Variants in NXF3 observed in about 807,000 individuals in gnomAD.
NXF3 encodes the protein nuclear RNA export factor 3, also known as TAP-like protein 3.
In NXF3, 34 loss-of-function variants were observed where a neutral mutation model predicts 48.4. That is an observed-to-expected ratio of 0.70 (90% CI 0.53 to 0.93). NXF3 has a LOEUF of 0.93. Ranked by LOEUF, NXF3 falls within the 40% of genes least tolerant of loss-of-function variation. The pLI is 0.00. For missense variants in NXF3, 359 were observed against 406.1 expected (o/e 0.88, Z 1.00); for synonymous variants, 132 against 145.7 (o/e 0.91, Z 0.68).
At chrX:103,077,287 G>A (rs1479106442) in intron 18 of NXF3, among the ~76,000 whole-genome samples, 2 of 78,916 alleles carry the variant, frequency 2.5e-5, no homozygotes, top group Non-Finnish European at 4.5e-5. Flanking sequence ...GTCTTGCTCT[G>A]TTGCCCAGGC....
intron 1 of NXF3, chrX:103,087,559 C>A: frequency 2.1e-6 from 2 of 963,431 alleles, no homozygotes; most frequent in South Asian, 3.9e-5. Context: ...GGAGGCCAAA[C>A]AAGAAAAGTC....
Position 103,080,129 on chromosome X carries a change from C to T in NXF3, c.996+19G>A. 8.3e-7 allele frequency: 1 copy of T among 1,210,165 alleles called. No homozygotes were observed. Among genetic ancestry groups the T allele is most frequent in the Non-Finnish European group, 1.1e-6 (1 of 894,263 alleles). ...CCCCCCTTCCTCATGCACCACCCTG[C>T]TGGATCCTCTCTTCTCACCTTACAG... On this transcript the variant is annotated intron_variant, in intron 11 of 19. Transcript: ENST00000395065.
Position 103,093,106 on chromosome X carries a change from G to A in NXF3, c.-83C>T. 1.1e-6 allele frequency: 1 copy of A among 906,384 alleles called. No homozygotes were observed. Among genetic ancestry groups the A allele is most frequent in the Non-Finnish European group, 1.6e-6 (1 of 624,623 alleles). The allele number at this position is 906,384 out of a possible 1,213,427, so 74.7% of individuals were successfully genotyped here. On this transcript the variant is annotated 5_prime_UTR_variant, in exon 1 of 20. Coordinates refer to ENST00000395065, the MANE Select transcript of NXF3 (RefSeq NM_022052.2). ...AGTTTGGAGAAGATTGAGGAGGGCT[G>A]CTGACGAAGGCGAGAGCAAGCCTCA...
At chrX:103,091,469 CTAGAGA>C (rs1922271533) in intron 1 of NXF3, among the ~76,000 whole-genome samples, 1 of 109,959 alleles carries the variant, frequency 9.1e-6, no homozygotes, top group African/African-American at 3.3e-5. Context: ...AGGTATTAGT[CTAGAGA>C]TAAAGTATGC....
In NXF3 at chrX:103,077,693, G is replaced by C. The variant is rs1921906672; in HGVS notation, c.1505C>G (p.Thr502Ser). The change falls in exon 18 of 20, where the codon ACC becomes AGC. Residue 502 changes from threonine (T) to serine (S), a missense_variant. Physicochemically the swap from Thr to Ser is moderately conservative, Grantham distance 58 (BLOSUM62 1). Transcript: ENST00000395065. ...CACTAGGGTGAACAAGGCACTCTGG[G>C]TCCCTTGGTGGCTGGTATCCCGCAC... The part of the protein sequence containing the change: ...LFVRDTSHQG[T>S]QSALFTLVPT... 8.3e-7 allele frequency: 1 copy of C among 1,209,056 alleles called. No individual in the cohort carries two copies. Among genetic ancestry groups the C allele is most frequent in the African/African-American group, 1.8e-5 (1 of 57,006 alleles).
chrX:103,082,918 C>T, intron 7 of NXF3, 70 bp from the exon 8 acceptor site: 1 of 1,136,901 alleles, frequency 8.8e-7, no homozygotes, highest in South Asian at 1.8e-5. Context: ...CAGCACTAAC[C>T]CCTCCCCAAG....
intron 9 of NXF3, chrX:103,081,809 C>A (rs888004180): frequency 8.1e-6 from 1 of 123,117 alleles, no homozygotes; most frequent in Admixed American, 8.3e-5. Flanking sequence ...GGAGAGGGGA[C>A]CTTTTTGGAG....
rs771812051 is a variant in NXF3 at position 103,079,639 on chromosome X, G to C, written c.1164C>G (p.Ser388Arg). ...TATCCTTGAAGAACTTGCAGAAGCT[G>C]CTCCTAGAAGAAAAAGAGGAGCAGG... ...IPFNPEDSAP[S>R]SFCKFFKDSR... The change falls in exon 14 of 20, where the codon AGC (serine) becomes AGG (arginine). Residue 388 changes from serine (S) to arginine (R), a missense_variant. Ser to Arg is a moderately radical substitution (Grantham distance 110). Coordinates refer to ENST00000395065, the MANE Select transcript of NXF3 (RefSeq NM_022052.2). The C allele has an allele frequency of 1.7e-6, 2 of 1,210,273 alleles. No individual in the cohort carries two copies. Among genetic ancestry groups the C allele is most frequent in the Non-Finnish European group, 2.2e-6 (2 of 894,188 alleles).
At chrX:103,081,553 G>A (rs953214841) in intron 9 of NXF3, 1 of 112,966 alleles carries the variant, frequency 8.9e-6, no homozygotes, top group Non-Finnish European at 1.9e-5. Context: ...TGGAGAAGGA[G>A]GGAAGGAGGG....
Position 103,082,958 on chromosome X carries a change from G to T in NXF3, c.691+46C>A, listed in dbSNP as rs777087642. 8.6e-6 allele frequency: 10 copies of T among 1,162,393 alleles called. No homozygotes were observed. The African/African-American group carries it at 1.4e-4, about 17-fold the overall frequency. The stretch of plus-strand genomic sequence containing the variant: ...CAACCGTAAGTCTCCATCTCACACA[G>T]ACACCTCTGCCCTCATCTACCATAG... On this transcript the variant is annotated intron_variant, in intron 7 of 19. Transcript: ENST00000395065.
rs1317758947 is a variant in NXF3 at position 103,085,921 on chromosome X, AAAG to A, written c.29-1041_29-1039del. 6.7e-3 allele frequency among the ~76,000 whole-genome samples: 683 copies of A among 101,454 alleles called. 14 individuals are homozygous for A. The highest frequency in any genetic ancestry group is 0.025 in the African/African-American group (648 of 26,411). The allele number at this position is 101,454 out of a possible 115,157, so 88.1% of individuals were successfully genotyped here. On this transcript the variant is annotated intron_variant, in intron 1 of 19. Transcript: ENST00000395065. ...CTGTCAAAAAAAAAAAAAAAAAAAA[AAAG>A]AAAGAAAGAAAGAAAGATTTGGTAA...
At chrX:103,081,163 G>T (rs1054468811) in intron 9 of NXF3, 1 of 113,109 alleles carries the variant, frequency 8.8e-6, no homozygotes, top group African/African-American at 3.2e-5. Context: ...AGAAGAAAAG[G>T]GCTCCCCTGC....
chrX:103,078,092 T>A (rs1380402940), intron 17 of NXF3, among the ~76,000 whole-genome samples: 1 of 111,568 alleles, frequency 9.0e-6, no homozygotes, highest in Non-Finnish European at 1.9e-5. Flanking sequence ...TCACAGTGAG[T>A]ATTGCATCAG....
intron 1 of NXF3, among the ~76,000 whole-genome samples, chrX:103,085,900 C>CAAAAAAAAAAA (rs56135590): frequency 1.6e-4 from 7 of 43,524 alleles, no homozygotes; most frequent in Non-Finnish European, 2.4e-4. Flanking sequence ...GAGACTCTGT[C>CAAAAAAAAAAA]AAAAAAAAAA....
At chrX:103,077,791 TC>T (rs1921909710) in intron 17 of NXF3, 45 bp from the exon 18 acceptor site, 2 of 1,188,481 alleles carry the variant, frequency 1.7e-6, no homozygotes, top group Admixed American at 2.2e-5. Context: ...GAAGGACACC[TC>T]CCCACCCGCT....
At position 103,077,607 on chromosome X, in the gene NXF3, C is replaced by A. The variant is rs1041603826; in HGVS notation, c.1584+7G>T. ...CATCCCCCAGACTGGGCAGAGAAAA[C>A]CTGTACCATTTTCTGCTGCTCCTGG... On this transcript the variant is annotated splice_region_variant and intron_variant, in intron 18 of 19. Transcript: ENST00000395065. 1 of 1,208,364 alleles carries A rather than the reference C, an allele frequency of 8.3e-7. No individual in the cohort carries two copies. The highest frequency in any genetic ancestry group is 1.8e-5 in the African/African-American group (1 of 56,991).
rs993778263 is a variant in NXF3, at chrX:103,082,783, C to T, written c.757G>A (p.Val253Ile). The change falls in exon 8 of 20, where the codon GTC becomes ATC. Residue 253 changes from valine (V) to isoleucine (I), a missense_variant. Coordinates refer to ENST00000395065, the MANE Select transcript of NXF3 (RefSeq NM_022052.2). ...ACTGTAGGTATGTTCTCTTCATGGA[C>T]GTCCAGGGAGGCAGCCATGCACTTT... Reference protein sequence around the residue: ...PRKCMAASLDVHEENIPTVMS... With the variant: ...PRKCMAASLDIHEENIPTVMS... 4.1e-6 allele frequency: 5 copies of T among 1,206,200 alleles called. No individual in the cohort carries two copies. Among genetic ancestry groups the T allele is most frequent in the East Asian group, 3.0e-5 (1 of 33,727 alleles).
rs766399561 is a variant in NXF3, at chrX:103,079,410, A to G, written c.1284T>C (p.Pro428=). ...AGGAGCTGAGGTCATGCTGAGTTTT[A>G]GGCAACGCACTGAGGGAGTCCACAA... ...LDIVDSLSAL[P]KTQHDLSSFL... is the part of the protein sequence containing the mutation. Residue 428 remains proline (P), a synonymous_variant, in exon 15 of 20, where the codon CCT becomes CCC. Transcript: ENST00000395065. 13 of 1,209,739 alleles carry G rather than the reference A, an allele frequency of 1.1e-5. No individual in the cohort carries two copies. In the South Asian group the frequency reaches 1.9e-4, roughly 18 times the overall value.
At chrX:103,092,689 G>A (rs935770471) in intron 1 of NXF3, among the ~76,000 whole-genome samples, 1 of 112,771 alleles carries the variant, frequency 8.9e-6, no homozygotes, top group African/African-American at 3.2e-5. Context: ...GGGGTGGGAG[G>A]TAATACAATC....
Sources: allele counts gnomAD v4.1 joint callset (sites outside exome capture counted in the v4.1 genomes callset), GRCh38; gene constraint gnomAD v4.1.1; transcripts MANE v1.5; gene names NCBI Gene and HGNC (gene_info 2026-07-23, HGNC 2026-07-21).